Variants in CSMD1 observed in about 807,000 individuals in gnomAD.
The protein encoded by CSMD1 is CUB and sushi domain-containing protein 1.
A neutral mutation model predicts 417.5 loss-of-function variants in CSMD1; 213 were observed. The observed-to-expected ratio is 0.51, with a 90% CI of 0.46 to 0.57. The LOEUF (loss-of-function observed/expected upper bound fraction) is 0.57. CSMD1 is among the 20% of genes least tolerant of loss of function. The pLI, the probability that CSMD1 is intolerant of heterozygous loss-of-function variation, is 0.00. For missense variants in CSMD1, 6,923 were observed against 4,529.7 expected (o/e 1.53, Z -15.17); for synonymous variants, 2,862 against 1,736.8 (o/e 1.65, Z -16.11).
intron 7 of CSMD1, among the ~76,000 whole-genome samples, chr8:3,647,425 TAAAGAGAAATACAGTAC>T: frequency 6.6e-6 from 1 of 151,800 alleles, no homozygotes; most frequent in South Asian, 2.1e-4. Flanking sequence ...AAAAACAGCA[TAAAGAGAAATACAGTAC>T]ATAGAGAAAT....
At chr8:4,958,762 G>C (rs1809286412) in intron 1 of CSMD1, among the ~76,000 whole-genome samples, 1 of 141,308 alleles carries the variant, frequency 7.1e-6, no homozygotes, top group Non-Finnish European at 1.5e-5. Flanking sequence ...ATTTCCCCCT[G>C]TTTCAAACTA....
At chr8:3,220,959 C>T (rs1257634482) in intron 28 of CSMD1, among the ~76,000 whole-genome samples, 1 of 152,148 alleles carries the variant, frequency 6.6e-6, no homozygotes, top group Non-Finnish European at 1.5e-5. Context: ...TACAAAGCTC[C>T]TACTCCCTTT....
intron 2 of CSMD1, among the ~76,000 whole-genome samples, chr8:4,438,995 G>A (rs1428454773): frequency 1.3e-5 from 2 of 152,084 alleles, no homozygotes; most frequent in African/African-American, 2.4e-5. Context: ...GACGTTTGGG[G>A]CAAATTTTCA....
At chr8:4,554,171 C>A (rs1455418837) in intron 2 of CSMD1, among the ~76,000 whole-genome samples, 1 of 152,174 alleles carries the variant, frequency 6.6e-6, no homozygotes, top group African/African-American at 2.4e-5. Context: ...GAGTCTCGAT[C>A]TGTCGCCCAG....
In CSMD1 at chr8:3,157,979, A is replaced by T. The variant is rs2129038521; in HGVS notation, c.5845-13T>A. On this transcript the variant is annotated splice_polypyrimidine_tract_variant and intron_variant, in intron 38 of 69. Transcript: ENST00000635120. Reference sequence around the variant, plus strand: ...TGTGGGAACGGCCCTGTTTAAAAGAAAACAAAAGAAAATACATATAACTAA... The same window carrying T: ...TGTGGGAACGGCCCTGTTTAAAAGATAACAAAAGAAAATACATATAACTAA... 6.5e-7 allele frequency: 1 copy of T among 1,548,210 alleles called. No individual in the cohort carries two copies. The highest frequency in any genetic ancestry group is 1.2e-5 in the South Asian group (1 of 83,960).
At chr8:3,570,380 G>T (rs1367521145) in intron 10 of CSMD1, among the ~76,000 whole-genome samples, 1 of 152,110 alleles carries the variant, frequency 6.6e-6, no homozygotes, top group East Asian at 1.9e-4. Flanking sequence ...GTGGCAATTG[G>T]ACCACAGGCA....
intron 1 of CSMD1, among the ~76,000 whole-genome samples, chr8:4,674,783 T>C (rs546349981): frequency 1.3e-5 from 2 of 152,336 alleles, no homozygotes; most frequent in South Asian, 2.1e-4. Context: ...GATTGAATCG[T>C]GTCCCCCTCC....
At chr8:4,343,904 T>A (rs970677940) in intron 3 of CSMD1, among the ~76,000 whole-genome samples, 1 of 152,280 alleles carries the variant, frequency 6.6e-6, no homozygotes, top group Non-Finnish European at 1.5e-5. Context: ...TAAGGCTTAT[T>A]TACTTTTAAA....
chr8:4,063,962 C>G (rs936484160), intron 3 of CSMD1, among the ~76,000 whole-genome samples: 1 of 151,976 alleles, frequency 6.6e-6, no homozygotes, highest in African/African-American at 2.4e-5. Flanking sequence ...AAATATTAAA[C>G]AAAAAGAGAG....
intron 2 of CSMD1, among the ~76,000 whole-genome samples, chr8:4,633,957 A>G (rs757831111): frequency 6.6e-6 from 1 of 151,780 alleles, no homozygotes; most frequent in Non-Finnish European, 1.5e-5. Context: ...GAGTCAATAA[A>G]GTTCAGCTGT....
chr8:4,661,474 A>G (rs1315214937), intron 1 of CSMD1, among the ~76,000 whole-genome samples: 1 of 152,142 alleles, frequency 6.6e-6, no homozygotes, highest in Non-Finnish European at 1.5e-5. Context: ...ATTCATTGCT[A>G]TGGGTTAGGC....
chr8:4,073,047 A>G (rs1183397870), intron 3 of CSMD1, among the ~76,000 whole-genome samples: 1 of 152,194 alleles, frequency 6.6e-6, no homozygotes, highest in Non-Finnish European at 1.5e-5. Context: ...TGTAGCGTAG[A>G]TGATAGTCAA....
At chr8:2,980,208 C>G (rs1057236318) in intron 54 of CSMD1, among the ~76,000 whole-genome samples, 1 of 152,224 alleles carries the variant, frequency 6.6e-6, no homozygotes, top group Non-Finnish European at 1.5e-5. Context: ...GAGAAAGCCA[C>G]TTAGGAGAAA....
chr8:4,651,610 T>C lies in CSMD1; in HGVS notation c.86-14052A>G, dbSNP rs575984120. ...ATCCAGCTGTAAAATGAGGCCCACA[T>C]GGTTAATATTCTCATAAGATCCTTA... is the stretch of plus-strand genomic sequence containing the variant. On this transcript the variant is annotated intron_variant, in intron 1 of 69. Coordinates refer to ENST00000635120, the MANE Select transcript of CSMD1 (RefSeq NM_033225.6). Among the ~76,000 whole-genome samples the C allele has an allele frequency of 1.8e-4, 27 of 152,332 alleles. No individual in the cohort carries two copies. The South Asian group carries it at 5.4e-3, about 30-fold the overall frequency.
In CSMD1 at chr8:3,360,813, A is replaced by G. The variant is rs149589670; in HGVS notation, c.3116-1473T>C. ...ATTTTCACTGGACATATAAAATCCA[A>G]CTGATCCTTTTCCCCTTAGTATTCC... On this transcript the variant is annotated intron_variant, in intron 20 of 69. Coordinates refer to ENST00000635120, the MANE Select transcript of CSMD1 (RefSeq NM_033225.6). Among the ~76,000 whole-genome samples, 18 of 151,836 alleles carry G rather than the reference A, an allele frequency of 1.2e-4. No homozygotes were observed. The East Asian group carries it at 3.1e-3, about 26-fold the overall frequency.
At position 4,751,366 on chromosome 8, in the gene CSMD1, G is replaced by A. The variant is rs189138358; in HGVS notation, c.86-113808C>T. Reference sequence around the variant, plus strand: ...AGATAGCGCCACTGCACTCCAGCCTGGACGACAGAGCAAGACTCTGTCTCA... The same window carrying A: ...AGATAGCGCCACTGCACTCCAGCCTAGACGACAGAGCAAGACTCTGTCTCA... On this transcript the variant is annotated intron_variant, in intron 1 of 69. Coordinates refer to ENST00000635120, the MANE Select transcript of CSMD1 (RefSeq NM_033225.6). Among the ~76,000 whole-genome samples, 992 of 151,694 alleles carry A rather than the reference G, an allele frequency of 6.5e-3. 7 individuals are homozygous for A. The highest frequency in any genetic ancestry group is 8.1e-3 in the Non-Finnish European group (549 of 67,934).
rs563308303 is a variant in CSMD1 at position 4,009,938 on chromosome 8, A to G, written c.611-11828T>C. 4.9e-4 allele frequency among the ~76,000 whole-genome samples: 52 copies of G among 105,834 alleles called. No individual in the cohort carries two copies. The Middle Eastern group carries it at 0.028, about 57-fold the overall frequency. 69.4% of individuals were successfully genotyped at this position (105,834 alleles called of 152,430 possible). On this transcript the variant is annotated intron_variant, in intron 4 of 69. Coordinates refer to ENST00000635120, the MANE Select transcript of CSMD1 (RefSeq NM_033225.6). ...GCCCTGGTCTCCTCTGTCGCCCTTT[A>G]TCCCTCCAACTCTCATCCTCTAAAA...
At chr8:4,079,050 G>C (rs1025188953) in intron 3 of CSMD1, among the ~76,000 whole-genome samples, 1 of 151,522 alleles carries the variant, frequency 6.6e-6, no homozygotes, top group Non-Finnish European at 1.5e-5. Flanking sequence ...CCGACCACAA[G>C]AGTGGTCCCG....
intron 2 of CSMD1, among the ~76,000 whole-genome samples, chr8:4,451,935 G>C (rs995449117): frequency 6.7e-6 from 1 of 148,454 alleles, no homozygotes; most frequent in African/African-American, 2.5e-5. Flanking sequence ...AAAATTTAAT[G>C]TATATTATTA....
Sources: allele counts gnomAD v4.1 joint callset (sites outside exome capture counted in the v4.1 genomes callset), GRCh38; gene constraint gnomAD v4.1.1; transcripts MANE v1.5; gene names NCBI Gene and HGNC (gene_info 2026-07-23, HGNC 2026-07-21).